The following A1BG variants were observed in gnomAD, a reference collection of about 807,000 sequenced individuals.
The protein encoded by A1BG is alpha-1-B glycoprotein, also known as alpha-1B-glycoprotein.
A1BG carries 44 observed loss-of-function variants against 46.0 expected under a neutral mutation model. The observed-to-expected ratio is 0.96, with a 90% CI of 0.75 to 1.23. The LOEUF is 1.23. Ranked by LOEUF, A1BG falls within the 50% of genes most tolerant of loss-of-function variation. A1BG has a pLI of 0.00. For missense variants in A1BG, 707 were observed against 688.8 expected, an observed-to-expected ratio of 1.03 and a Z score of -0.30; for synonymous variants, 316 against 314.7, an observed-to-expected ratio of 1.00 and a Z score of -0.04.
chr19:58,350,055 G>A (rs2051943357), intron 6 of A1BG: 3 of 315,508 alleles, frequency 9.5e-6, no homozygotes, highest in Non-Finnish European at 1.7e-5. Flanking sequence ...TATGACGACT[G>A]ACATGGCCAG....
At chr19:58,351,790 C>T in intron 4 of A1BG, 103 bp from the exon 5 acceptor site, 1 of 1,071,122 alleles carries the variant, frequency 9.3e-7, no homozygotes, top group South Asian at 1.7e-5. Flanking sequence ...GAACACCCTT[C>T]CATTCTTTTT....
intron 7 of A1BG, among the ~76,000 whole-genome samples, 159 bp downstream of exon 7, chr19:58,347,194 G>A (rs2051919165): frequency 6.6e-6 from 1 of 152,166 alleles, no homozygotes; most frequent in Non-Finnish European, 1.5e-5. Flanking sequence ...CCTTTGCTGG[G>A]CGGTTCCTCG....
intron 6 of A1BG, 37 bp from the exon 7 acceptor site, chr19:58,347,677 C>CCCCAGGCCGCGCCCCAGGCCGCG (rs747071974): frequency 1.5e-6 from 1 of 670,456 alleles, no homozygotes; most frequent in African/African-American, 1.9e-5. Flanking sequence ...CCAGGCCACG[C>CCCCAGGCCGCGCCCCAGGCCGCG]CCCAGGCCAC....
intron 7 of A1BG, 67 bp from the exon 8 acceptor site, chr19:58,347,096 T>C: frequency 1.9e-6 from 3 of 1,593,136 alleles, no homozygotes; most frequent in Non-Finnish European, 2.6e-6. Flanking sequence ...CTCGCGGAAA[T>C]CAAGGCCGAC....
At chr19:58,351,294 G>A in intron 5 of A1BG, 97 bp downstream of exon 5, 1 of 1,472,456 alleles carries the variant, frequency 6.8e-7, no homozygotes, top group Non-Finnish European at 9.2e-7. Context: ...ATTGGACCCT[G>A]GCCCAGAGCA....
chr19:58,352,775 T>C (rs1243082939), intron 3 of A1BG, 153 bp downstream of exon 3: 52 of 1,255,968 alleles, frequency 4.1e-5, no homozygotes, highest in Non-Finnish European at 5.5e-5. Context: ...GACACAACCA[T>C]GTATTCCTTA....
intron 5 of A1BG, chr19:58,350,887 C>T (rs1379418697): frequency 2.3e-6 from 1 of 441,292 alleles, no homozygotes; most frequent in Non-Finnish European, 3.9e-6. Context: ...AGACGGGAAG[C>T]GGGGACGGGG....
rs1443199592 is a variant in A1BG, at chr19:58,347,433, T to C, written c.1400A>G (p.Asn467Ser). The C allele has an allele frequency of 1.9e-6, 3 of 1,609,422 alleles. No homozygotes were observed. The highest frequency in any genetic ancestry group is 1.7e-6 in the Non-Finnish European group (2 of 1,178,046). The change falls in exon 7 of 8, where the codon AAC (asparagine) becomes AGC (serine). Residue 467 changes from asparagine (N) to serine (S), a missense_variant. Transcript: ENST00000263100. ...LIFVGPQHAG[N>S]YRCRYRSWVP... ...CCAGGAGCGGTAGCGGCACCTGTAG[T>C]TGCCGGCGTGCTGGGGCCCCACGAA...
chr19:58,347,233 G>T, intron 7 of A1BG, 120 bp downstream of exon 7: 1 of 1,375,950 alleles, frequency 7.3e-7, no homozygotes, highest in Non-Finnish European at 9.6e-7. Flanking sequence ...GCCCTGGGGA[G>T]ACCCAGCGCT....
rs1450020977 is a variant in A1BG, at chr19:58,351,700, C to T, written c.614-13G>A. 4 of 1,563,350 alleles carry T rather than the reference C, an allele frequency of 2.6e-6. No homozygotes were observed. Among genetic ancestry groups the T allele is most frequent in the Non-Finnish European group, 1.7e-6 (2 of 1,154,146 alleles). ...GGTGGTGGTGCAGCTGCAATGCAGG[C>T]AGCATTACTAGGCTGCCCCATCCCT... On this transcript the variant is annotated splice_polypyrimidine_tract_variant and intron_variant, in intron 4 of 7. Coordinates refer to ENST00000263100, the MANE Select transcript of A1BG (RefSeq NM_130786.4).
At chr19:58,348,156 A>G (rs2051929892) in intron 6 of A1BG, among the ~76,000 whole-genome samples, 1 of 152,198 alleles carries the variant, frequency 6.6e-6, no homozygotes, top group South Asian at 2.1e-4. Flanking sequence ...GTTCCAGACC[A>G]GCCTGGGTAA....
chr19:58,346,940 G>T lies in A1BG; in HGVS notation c.*82C>A. On this transcript the variant is annotated 3_prime_UTR_variant, in exon 8 of 8. Coordinates refer to ENST00000263100, the MANE Select transcript of A1BG (RefSeq NM_130786.4). ...AGCCCCCCAGAGACCCCGGCCTTGT[G>T]CTGCAACAGGAGGGGAGGGAGCCAG... 2 of 1,481,020 alleles carry T rather than the reference G, an allele frequency of 1.4e-6. No homozygotes were observed. The highest frequency in any genetic ancestry group is 1.9e-6 in the Non-Finnish European group (2 of 1,058,692). 91.7% of individuals were successfully genotyped at this position (1,481,020 alleles called of 1,614,324 possible). A position where few individuals can be genotyped will look rare whatever the true frequency, so the allele number is the denominator to read the frequency against.
intron 3 of A1BG, 157 bp from the exon 4 acceptor site, chr19:58,352,712 C>G (rs571058585): frequency 2.4e-5 from 28 of 1,185,348 alleles, no homozygotes; most frequent in Non-Finnish European, 3.1e-5. Flanking sequence ...ACAAGGCATA[C>G]GGCAAGAGAA....
chr19:58,350,766 C>T, intron 5 of A1BG, 115 bp from the exon 6 acceptor site: 3 of 1,180,896 alleles, frequency 2.5e-6, no homozygotes, highest in Non-Finnish European at 3.3e-6. Context: ...ATGACCTGGC[C>T]AGCTTCCTCC....
At chr19:58,350,341 C>T (rs2051946057) in intron 6 of A1BG, 29 bp downstream of exon 6, 1 of 1,522,804 alleles carries the variant, frequency 6.6e-7, no homozygotes. Flanking sequence ...GAACCCGCGC[C>T]CGCCCTCGCT....
intron 6 of A1BG, chr19:58,349,704 G>C (rs929195438): frequency 6.7e-5 from 10 of 149,936 alleles, no homozygotes; most frequent in Admixed American, 6.0e-4. Context: ...AGATGGGGTT[G>C]GGGGGCAGAG....
intron 6 of A1BG, among the ~76,000 whole-genome samples, chr19:58,348,189 T>C (rs553259391): frequency 7.6e-4 from 116 of 152,126 alleles, no homozygotes; most frequent in African/African-American, 2.7e-3. Context: ...CCGTCTCTAC[T>C]AAAATACAAA....
At chr19:58,352,720 GAA>G (rs2051973326) in intron 3 of A1BG, 165 bp from the exon 4 acceptor site, 5 of 1,172,162 alleles carry the variant, frequency 4.3e-6, no homozygotes, top group Admixed American at 2.4e-5. Flanking sequence ...TACGGCAAGA[GAA>G]AAAGAGTGTG....
rs768998336 is a variant in A1BG, at chr19:58,347,412, G to A, written c.1421C>T (p.Ser474Phe). ...CGATTCGAAGGTGTGGGGCACCCAG[G>A]AGCGGTAGCGGCACCTGTAGTTGCC... ...HAGNYRCRYR[S>F]WVPHTFESEL... The change falls in exon 7 of 8, where the codon TCC (serine) becomes TTC (phenylalanine). Residue 474 changes from serine (S) to phenylalanine (F), a missense_variant. Transcript: ENST00000263100. 33 of 1,611,610 alleles carry A rather than the reference G, an allele frequency of 2.0e-5. No individual in the cohort carries two copies. Among genetic ancestry groups the A allele is most frequent in the Non-Finnish European group, 2.5e-5 (30 of 1,179,502 alleles).
Sources: allele counts gnomAD v4.1 joint callset (sites outside exome capture counted in the v4.1 genomes callset), GRCh38; gene constraint gnomAD v4.1.1; transcripts MANE v1.5; gene names NCBI Gene and HGNC (gene_info 2026-07-23, HGNC 2026-07-21).